The following FBXW7 variants were observed in gnomAD, a reference collection of about 807,000 sequenced individuals.
FBXW7 encodes the protein F-box and WD repeat domain containing 7.
In FBXW7, 11 loss-of-function variants were observed where a neutral mutation model predicts 86.3. That is an observed-to-expected ratio of 0.13 (90% CI 0.08 to 0.21). FBXW7 has a LOEUF of 0.21. Ranked by LOEUF, FBXW7 falls within the 10% of genes least tolerant of loss-of-function variation. The pLI, the probability that FBXW7 is intolerant of heterozygous loss-of-function variation, is 1.00. For synonymous variants in FBXW7, 313 were observed against 297.9 expected (o/e 1.05, Z -0.52); for missense variants, 488 against 847.4 (o/e 0.58, Z 5.27).
chr4:152,450,709 T>C (rs1741830265), intron 2 of FBXW7, among the ~76,000 whole-genome samples: 1 of 152,206 alleles, frequency 6.6e-6, no homozygotes, highest in African/African-American at 2.4e-5. Context: ...TTTGTATTAG[T>C]TTTCTAATTA....
chr4:152,464,711 G>A (rs889748898), intron 2 of FBXW7, among the ~76,000 whole-genome samples: 1 of 152,190 alleles, frequency 6.6e-6, no homozygotes, highest in East Asian at 1.9e-4. Flanking sequence ...ACTAGAAATT[G>A]TGTGAAGACA....
At position 152,441,638 on chromosome 4, in the gene FBXW7, A is replaced by G. The variant is rs1453420301; in HGVS notation, c.-119-29109T>C. Among the ~76,000 whole-genome samples, 7 of 152,332 alleles carry G rather than the reference A, an allele frequency of 4.6e-5. No individual in the cohort carries two copies. In the East Asian group the frequency reaches 1.3e-3, roughly 29 times the overall value. On this transcript the variant is annotated intron_variant, in intron 2 of 13. Coordinates refer to ENST00000281708, the MANE Select transcript of FBXW7 (RefSeq NM_001349798.2). ...AATCAGTATCACAAAATACGCAAAGAGCCAAGACTATATGGCAATTATTTC... is the reference window on the plus strand; with the variant it reads ...AATCAGTATCACAAAATACGCAAAGGGCCAAGACTATATGGCAATTATTTC...
intron 12 of FBXW7, chr4:152,324,606 C>A: frequency 2.0e-6 from 1 of 489,654 alleles, no homozygotes; most frequent in South Asian, 2.9e-5. Flanking sequence ...CAGAAAGGCT[C>A]ATCTTTATGC....
chr4:152,383,276 A>G (rs2126784200), intron 4 of FBXW7, among the ~76,000 whole-genome samples: 1 of 152,204 alleles, frequency 6.6e-6, no homozygotes, highest in East Asian at 1.9e-4. Flanking sequence ...CCTTCACAGT[A>G]TGGTCAGATA....
At chr4:152,428,612 T>C (rs746374401) in intron 2 of FBXW7, among the ~76,000 whole-genome samples, 3 of 152,208 alleles carry the variant, frequency 2.0e-5, no homozygotes, top group South Asian at 2.1e-4. Context: ...ATAGCATCTA[T>C]ATCATAGGTT....
intron 2 of FBXW7, among the ~76,000 whole-genome samples, chr4:152,525,671 A>G (rs1749443385): frequency 1.3e-5 from 2 of 152,156 alleles, no homozygotes; most frequent in East Asian, 3.8e-4. Flanking sequence ...CATGGTGTGT[A>G]TGTACCACAT....
At chr4:152,425,494 T>C (rs1739302936) in intron 2 of FBXW7, among the ~76,000 whole-genome samples, 1 of 151,956 alleles carries the variant, frequency 6.6e-6, no homozygotes, top group Admixed American at 6.6e-5. Context: ...CTGGAAGGAG[T>C]TAAGTATAAC....
At chr4:152,516,652 T>C in intron 2 of FBXW7, among the ~76,000 whole-genome samples, 1 of 152,212 alleles carries the variant, frequency 6.6e-6, no homozygotes, top group Non-Finnish European at 1.5e-5. Context: ...CTTCACATTA[T>C]TATAAGTGAT....
At chr4:152,486,214 G>C (rs1289780151) in intron 2 of FBXW7, among the ~76,000 whole-genome samples, 2 of 152,154 alleles carry the variant, frequency 1.3e-5, no homozygotes, top group Admixed American at 6.6e-5. Flanking sequence ...ATTGAGTGAA[G>C]AGTGAATGTG....
chr4:152,391,636 G>C (rs1351919026), intron 4 of FBXW7, among the ~76,000 whole-genome samples: 1 of 152,052 alleles, frequency 6.6e-6, no homozygotes, highest in African/African-American at 2.4e-5. Context: ...ATGATAAGGG[G>C]AAGAGATTAA....
chr4:152,402,878 A>T (rs771256479), intron 4 of FBXW7, among the ~76,000 whole-genome samples: 3 of 152,208 alleles, frequency 2.0e-5, no homozygotes, highest in Non-Finnish European at 2.9e-5. Context: ...GTCAACACAA[A>T]ATAAAGAACC....
intron 2 of FBXW7, among the ~76,000 whole-genome samples, chr4:152,520,398 A>G (rs1356492269): frequency 6.7e-6 from 1 of 149,678 alleles, no homozygotes; most frequent in African/African-American, 2.5e-5. Flanking sequence ...GCGCCACTGC[A>G]GTCCGCAGTC....
chr4:152,345,025 GAT>G (rs1731117648), intron 6 of FBXW7, among the ~76,000 whole-genome samples: 1 of 152,116 alleles, frequency 6.6e-6, no homozygotes. Context: ...AAATCAGAAT[GAT>G]ATATGCTGTT....
At chr4:152,454,833 A>G (rs1295218828) in intron 2 of FBXW7, among the ~76,000 whole-genome samples, 1 of 152,188 alleles carries the variant, frequency 6.6e-6, no homozygotes, top group Non-Finnish European at 1.5e-5. Context: ...AATAAATATT[A>G]GCCATTAACA....
chr4:152,486,235 T>G (rs74762800), intron 2 of FBXW7, among the ~76,000 whole-genome samples: 2,084 of 152,242 alleles, frequency 0.014, 26 homozygotes, highest in Middle Eastern at 0.037. Flanking sequence ...AAGGCCTAGG[T>G]CGTTACTGCA....
chr4:152,526,243 CT>C (rs1345566464), intron 2 of FBXW7, among the ~76,000 whole-genome samples: 1 of 152,002 alleles, frequency 6.6e-6, no homozygotes, highest in East Asian at 1.9e-4. Context: ...GTATCTCAGT[CT>C]TTTTTTCTAG....
chr4:152,417,554 T>G (rs1176502799), intron 2 of FBXW7, among the ~76,000 whole-genome samples: 2 of 151,918 alleles, frequency 1.3e-5, no homozygotes, highest in African/African-American at 4.8e-5. Flanking sequence ...GGGGGCAAGG[T>G]GGCAAAGCTT....
At chr4:152,509,985 A>C (rs1747808548) in intron 2 of FBXW7, among the ~76,000 whole-genome samples, 1 of 152,204 alleles carries the variant, frequency 6.6e-6, no homozygotes, top group African/African-American at 2.4e-5. Context: ...TAAAACTGAG[A>C]TCTCCTGTGC....
chr4:152,511,292 G>GCCCCCCCCCCCCCCC (rs371477693), intron 2 of FBXW7, among the ~76,000 whole-genome samples: 1 of 88,622 alleles, frequency 1.1e-5, no homozygotes, highest in African/African-American at 4.4e-5. Context: ...ACAGCCCCCC[G>GCCCCCCCCCCCCCCC]CCCCCCCCAC....
Sources: gnomAD v4.1 joint callset for allele counts (sites outside exome capture counted in the v4.1 genomes callset) on GRCh38, gnomAD v4.1.1 for gene constraint, MANE v1.5 for transcripts, NCBI Gene and HGNC (gene_info 2026-07-23, HGNC 2026-07-21) for gene names.